Variants in AGBL4 observed in about 807,000 individuals in gnomAD.
The protein encoded by AGBL4 is AGBL carboxypeptidase 4.
A neutral mutation model predicts 66.4 loss-of-function variants in AGBL4; 58 were observed. The observed-to-expected ratio is 0.87, with a 90% CI of 0.71 to 1.09. The LOEUF is 1.09. Among genes scored for constraint, AGBL4 ranks in the 50% least tolerant of loss-of-function variants. The pLI, the probability that AGBL4 is intolerant of heterozygous loss-of-function variation, is 0.00. For missense variants in AGBL4, 579 were observed against 631.0 expected (o/e 0.92, Z 0.88); for synonymous variants, 234 against 222.9 (o/e 1.05, Z -0.44).
chr1:48,578,728 G>A (rs531350659), intron 11 of AGBL4, among the ~76,000 whole-genome samples: 2 of 152,314 alleles, frequency 1.3e-5, no homozygotes, highest in East Asian at 3.9e-4. Flanking sequence ...ATTAGCAGAT[G>A]TTGGGTGAGG....
intron 2 of AGBL4, among the ~76,000 whole-genome samples, chr1:49,729,605 T>C (rs919928453): frequency 2.0e-5 from 3 of 151,916 alleles, no homozygotes; most frequent in African/African-American, 7.3e-5. Flanking sequence ...CTCAAAACAA[T>C]AGGGTTAGTG....
chr1:49,640,268 G>A (rs1645754686), intron 3 of AGBL4, among the ~76,000 whole-genome samples: 1 of 152,158 alleles, frequency 6.6e-6, no homozygotes, highest in African/African-American at 2.4e-5. Context: ...GAACATTGTT[G>A]CCAAGGTGAT....
At chr1:49,353,757 C>A (rs1054836846) in intron 3 of AGBL4, among the ~76,000 whole-genome samples, 6 of 152,046 alleles carry the variant, frequency 3.9e-5, no homozygotes. Flanking sequence ...GGCGGCAGAG[C>A]GGCACAGCAG....
intron 5 of AGBL4, among the ~76,000 whole-genome samples, chr1:48,979,388 A>G (rs765202090): frequency 6.6e-6 from 1 of 152,180 alleles, no homozygotes; most frequent in Non-Finnish European, 1.5e-5. Flanking sequence ...TAGAAGAAGT[A>G]AAAACAGACA....
intron 3 of AGBL4, among the ~76,000 whole-genome samples, chr1:49,427,444 C>T (rs1016620008): frequency 1.3e-5 from 2 of 149,470 alleles, no homozygotes; most frequent in Non-Finnish European, 3.0e-5. Context: ...AAAACAATTT[C>T]CTGGTGGTGT....
At chr1:48,788,593 C>T (rs1645463998) in intron 6 of AGBL4, among the ~76,000 whole-genome samples, 1 of 152,156 alleles carries the variant, frequency 6.6e-6, no homozygotes, top group South Asian at 2.1e-4. Context: ...TGTTCTCAAT[C>T]ATAAAAAAGG....
chr1:49,618,949 G>T (rs1424460779), intron 3 of AGBL4, among the ~76,000 whole-genome samples: 2 of 152,038 alleles, frequency 1.3e-5, no homozygotes, highest in East Asian at 1.9e-4. Flanking sequence ...CAATAAACTA[G>T]GTATTGATGG....
At position 49,488,934 on chromosome 1, in the gene AGBL4, G is replaced by T. The variant is rs1647128091; in HGVS notation, c.282+208379C>A. ...TCACGTTTTCTTTATCCATTCATCT[G>T]TTGATGGATGCATATGTTGCTTCCA... On this transcript the variant is annotated intron_variant, in intron 3 of 13. Coordinates refer to ENST00000371839, the MANE Select transcript of AGBL4 (RefSeq NM_032785.4). Among the ~76,000 whole-genome samples the T allele has an allele frequency of 2.0e-5, 3 of 151,810 alleles. No homozygotes were observed. The South Asian group carries it at 6.2e-4, about 32-fold the overall frequency.
At chr1:49,398,366 TC>T (rs1645016836) in intron 3 of AGBL4, among the ~76,000 whole-genome samples, 6 of 144,232 alleles carry the variant, frequency 4.2e-5, no homozygotes, top group Non-Finnish European at 6.0e-5. Flanking sequence ...TCTCTCTCTC[TC>T]GCTCCTGATT....
Position 49,007,755 on chromosome 1 carries a change from G to T in AGBL4, c.594+37829C>A, listed in dbSNP as rs372870423. On this transcript the variant is annotated intron_variant, in intron 5 of 13. Transcript: ENST00000371839. ...CTTAAAGAAAAGAATTTTCAACCCAGAATTTCATATCCAGCCAAACTAAGC... is the reference window on the plus strand; with the variant it reads ...CTTAAAGAAAAGAATTTTCAACCCATAATTTCATATCCAGCCAAACTAAGC... Among the ~76,000 whole-genome samples, 113 of 151,612 alleles carry T rather than the reference G, an allele frequency of 7.5e-4. 1 individual carries two copies. In the South Asian group the frequency reaches 7.8e-3, roughly 10 times the overall value.
chr1:48,798,591 A>G (rs1259121404), intron 6 of AGBL4, among the ~76,000 whole-genome samples: 2 of 152,148 alleles, frequency 1.3e-5, no homozygotes, highest in African/African-American at 2.4e-5. Context: ...TGCCTAAGCC[A>G]CTGTCTAGAA....
intron 6 of AGBL4, among the ~76,000 whole-genome samples, chr1:48,825,002 G>A (rs1646395233): frequency 6.6e-6 from 1 of 152,182 alleles, no homozygotes; most frequent in Non-Finnish European, 1.5e-5. Context: ...TTGCTGTAAG[G>A]ATTTAATGTG....
At chr1:49,299,097 A>T (rs1215450030) in intron 3 of AGBL4, among the ~76,000 whole-genome samples, 2 of 151,586 alleles carry the variant, frequency 1.3e-5, no homozygotes, top group Non-Finnish European at 2.9e-5. Context: ...GTTTAATCCT[A>T]AAAAAAAATC....
At chr1:48,772,043 T>A (rs1644862117) in intron 6 of AGBL4, among the ~76,000 whole-genome samples, 1 of 152,186 alleles carries the variant, frequency 6.6e-6, no homozygotes, top group African/African-American at 2.4e-5. Flanking sequence ...AGCACAAAAA[T>A]GCACCTGTCT....
rs374288360 is a variant in AGBL4, at chr1:48,670,459, C to T, written c.635-7218G>A. On this transcript the variant is annotated intron_variant, in intron 6 of 13. Coordinates refer to ENST00000371839, the MANE Select transcript of AGBL4 (RefSeq NM_032785.4). ...CACCTGGAAAGTAGCCAGTGGATTC[C>T]TGCCAGAGAAGTGAAGAAAAGCTGA... 1.4e-3 allele frequency among the ~76,000 whole-genome samples: 218 copies of T among 152,332 alleles called. 2 individuals are homozygous for T. The South Asian group carries it at 0.041, about 29-fold the overall frequency.
At chr1:49,184,870 A>C (rs975179640) in intron 4 of AGBL4, among the ~76,000 whole-genome samples, 1 of 152,160 alleles carries the variant, frequency 6.6e-6, no homozygotes, top group Non-Finnish European at 1.5e-5. Flanking sequence ...GACAATGAAA[A>C]TGTCCTATAA....
At chr1:49,003,759 G>C (rs573906539) in intron 5 of AGBL4, among the ~76,000 whole-genome samples, 19 of 152,236 alleles carry the variant, frequency 1.2e-4, no homozygotes, top group African/African-American at 4.3e-4. Context: ...CTTTTCTGGA[G>C]AGCCAGGTCC....
At chr1:48,786,260 T>C (rs1164673404) in intron 6 of AGBL4, among the ~76,000 whole-genome samples, 9 of 152,238 alleles carry the variant, frequency 5.9e-5, no homozygotes, top group Non-Finnish European at 8.8e-5. Flanking sequence ...TTAGTTCTTT[T>C]AATCTTTTCA....
At chr1:49,224,608 C>T (rs1266783840) in intron 4 of AGBL4, among the ~76,000 whole-genome samples, 1 of 135,794 alleles carries the variant, frequency 7.4e-6, no homozygotes, top group Non-Finnish European at 1.6e-5. Flanking sequence ...CAGAGCGAGA[C>T]TCCCTCTCAA....
Sources: allele counts gnomAD v4.1 joint callset (sites outside exome capture counted in the v4.1 genomes callset), GRCh38; gene constraint gnomAD v4.1.1; transcripts MANE v1.5; gene names NCBI Gene and HGNC (gene_info 2026-07-23, HGNC 2026-07-21).